Variants in SGCD observed in about 807,000 individuals in gnomAD.
SGCD encodes delta-sarcoglycan.
A neutral mutation model predicts 36.6 loss-of-function variants in SGCD; 18 were observed. The ratio of observed to expected loss-of-function variants is 0.49; its 90% confidence interval spans 0.34 to 0.73. SGCD has a LOEUF of 0.73. Among genes scored for constraint, SGCD ranks in the 30% least tolerant of loss-of-function variants. The pLI is 0.01. For missense variants in SGCD, 387 were observed against 346.7 expected (o/e 1.12, Z -0.92); for synonymous variants, 133 against 130.6 (o/e 1.02, Z -0.12).
At chr5:156,123,644 C>T (rs1762101181) in intron 2 of SGCD, among the ~76,000 whole-genome samples, 2 of 152,218 alleles carry the variant, frequency 1.3e-5, no homozygotes, top group East Asian at 1.9e-4. Context: ...AAAATACCTT[C>T]CAGCCTTGAT....
chr5:155,859,834 T>C, the SGCD span, among the ~76,000 whole-genome samples: 134,015 of 152,168 alleles, frequency 0.88, 59,092 homozygotes, highest in East Asian at 0.98. Context: ...TAAAAATTGG[T>C]GAAGAAGTTG....
intron 4 of SGCD, among the ~76,000 whole-genome samples, chr5:156,556,979 A>G (rs1006483048): frequency 2.6e-5 from 4 of 152,216 alleles, no homozygotes; most frequent in South Asian, 2.1e-4. Context: ...AGTGTGAGCT[A>G]TAAGTGTACC....
intron 3 of SGCD, among the ~76,000 whole-genome samples, chr5:156,177,377 G>T (rs1490598384): frequency 6.6e-6 from 1 of 152,114 alleles, no homozygotes; most frequent in Non-Finnish European, 1.5e-5. Flanking sequence ...AAATGGTAGA[G>T]ATATTAATAT....
At chr5:156,101,937 TGTGTGAGA>T (rs1159502283) in intron 1 of SGCD, among the ~76,000 whole-genome samples, 85 of 149,826 alleles carry the variant, frequency 5.7e-4, no homozygotes, top group African/African-American at 1.5e-3. Flanking sequence ...TGTGTGTGTG[TGTGTGAGA>T]GAGAGAGAGA....
chr5:156,572,429 CTAT>C (rs2113294559), intron 4 of SGCD, among the ~76,000 whole-genome samples: 1 of 151,892 alleles, frequency 6.6e-6, no homozygotes, highest in South Asian at 2.1e-4. Context: ...TGTTTTTTTT[CTAT>C]TATAATTATT....
At chr5:155,998,427 A>G (rs908468764) in intron 1 of SGCD, among the ~76,000 whole-genome samples, 5 of 152,202 alleles carry the variant, frequency 3.3e-5, no homozygotes, top group Non-Finnish European at 5.9e-5. Flanking sequence ...ATTTAAAATT[A>G]TGTGTGGGTG....
chr5:156,163,863 A>G (rs1763147972), intron 3 of SGCD, among the ~76,000 whole-genome samples: 1 of 150,878 alleles, frequency 6.6e-6, no homozygotes, highest in Admixed American at 6.6e-5. Flanking sequence ...TACTAAAAAA[A>G]ATACAAAAAA....
chr5:156,188,677 G>GC (rs778388127), intron 3 of SGCD, among the ~76,000 whole-genome samples: 1 of 119,938 alleles, frequency 8.3e-6, no homozygotes, highest in Admixed American at 7.9e-5. Flanking sequence ...CGCCCCCCCC[G>GC]ACACACATAC....
At chr5:155,909,797 A>G (rs1756594593) in intron 1 of SGCD, among the ~76,000 whole-genome samples, 1 of 152,134 alleles carries the variant, frequency 6.6e-6, no homozygotes, top group Non-Finnish European at 1.5e-5. Flanking sequence ...AACATTCTAA[A>G]CAGCTTAACA....
intron 3 of SGCD, among the ~76,000 whole-genome samples, chr5:156,367,154 T>C (rs896282242): frequency 6.6e-5 from 10 of 152,196 alleles, no homozygotes; most frequent in African/African-American, 2.2e-4. Flanking sequence ...AATTATAAAA[T>C]GCCAGTTGTA....
chr5:156,171,201 A>C (rs1013354808), intron 3 of SGCD, among the ~76,000 whole-genome samples: 2 of 152,242 alleles, frequency 1.3e-5, no homozygotes, highest in African/African-American at 2.4e-5. Flanking sequence ...AACAAATCTC[A>C]GAGCATTGCG....
In SGCD at chr5:156,753,924, C is replaced by T. The variant is rs117662458; in HGVS notation, c.576-3657C>T. Among the ~76,000 whole-genome samples, 638 of 152,302 alleles carry T rather than the reference C, an allele frequency of 4.2e-3. 19 individuals carry two copies. In the East Asian group the frequency reaches 0.061, roughly 14 times the overall value. On this transcript the variant is annotated intron_variant, in intron 7 of 8. Transcript: ENST00000337851. ...AGCTTTATCTCAGTGGAAAGACTAG[C>T]GTGTGAACAACTTCTGTTAAGTCTG...
chr5:156,593,341 A>G (rs1276617229), intron 5 of SGCD, among the ~76,000 whole-genome samples: 2 of 152,150 alleles, frequency 1.3e-5, no homozygotes, highest in African/African-American at 4.8e-5. Context: ...TTTTCAGAAC[A>G]CGCGCACCAG....
chr5:156,529,145 G>T (rs2113087697), intron 4 of SGCD, among the ~76,000 whole-genome samples: 1 of 152,146 alleles, frequency 6.6e-6, no homozygotes, highest in East Asian at 1.9e-4. Flanking sequence ...AAAGGCACAT[G>T]GGCCGGTGCG....
At chr5:155,917,043 G>A (rs1323370837) in intron 1 of SGCD, among the ~76,000 whole-genome samples, 1 of 152,108 alleles carries the variant, frequency 6.6e-6, no homozygotes, top group African/African-American at 2.4e-5. Flanking sequence ...GCGTTTCCGA[G>A]TCTGATACAA....
chr5:156,235,866 G>T (rs966044457), intron 3 of SGCD, among the ~76,000 whole-genome samples: 2 of 152,136 alleles, frequency 1.3e-5, no homozygotes, highest in African/African-American at 4.8e-5. Context: ...TCTTATAATG[G>T]AAATTGGGAA....
rs539215995 is a variant in SGCD at position 156,641,021 on chromosome 5, ACT to A, written c.503-6440_503-6439del. Among the ~76,000 whole-genome samples the A allele has an allele frequency of 1.7e-3, 265 of 152,232 alleles. 1 individual carries two copies. The highest frequency in any genetic ancestry group is 6.0e-3 in the African/African-American group (248 of 41,548). The stretch of plus-strand genomic sequence containing the variant: ...GTGCTTAATCCTGACACTTGTGGAA[ACT>A]CTGCATCCTCGTTGATCACTCAGTT... On this transcript the variant is annotated intron_variant, in intron 6 of 8. Transcript: ENST00000337851.
At chr5:156,141,847 C>A (rs1344714515) in intron 3 of SGCD, among the ~76,000 whole-genome samples, 2 of 152,124 alleles carry the variant, frequency 1.3e-5, no homozygotes, top group Non-Finnish European at 2.9e-5. Context: ...ACCTCATATG[C>A]AAGGAAATAA....
intron 3 of SGCD, among the ~76,000 whole-genome samples, chr5:156,261,032 A>G (rs1444552430): frequency 6.6e-6 from 1 of 152,128 alleles, no homozygotes; most frequent in African/African-American, 2.4e-5. Flanking sequence ...ATGATGTTTT[A>G]TCTAAATTAT....
Sources: gnomAD v4.1 joint callset for allele counts (sites outside exome capture counted in the v4.1 genomes callset) on GRCh38, gnomAD v4.1.1 for gene constraint, MANE v1.5 for transcripts, NCBI Gene and HGNC (gene_info 2026-07-23, HGNC 2026-07-21) for gene names.